SLCO1B1: variants seen among roughly 807,000 people sequenced by gnomAD.
The protein encoded by SLCO1B1 is OATP-2.
SLCO1B1 carries 81 observed loss-of-function variants against 70.1 expected under a neutral mutation model. The observed-to-expected ratio is 1.16, with a 90% CI of 0.97 to 1.39. The LOEUF is 1.39. Ranked by LOEUF, SLCO1B1 falls within the 40% of genes most tolerant of loss-of-function variation. The pLI, the probability that SLCO1B1 is intolerant of heterozygous loss-of-function variation, is 0.00. For missense variants in SLCO1B1, 895 were observed against 799.6 expected (o/e 1.12, Z -1.44); for synonymous variants, 283 against 271.5 (o/e 1.04, Z -0.42).
At chr12:21,195,771 C>A (rs145702299) in intron 7 of SLCO1B1, among the ~76,000 whole-genome samples, 256 of 152,262 alleles carry the variant, frequency 1.7e-3, no homozygotes, top group African/African-American at 5.9e-3. Flanking sequence ...GTTCAAGCTG[C>A]CTTCTTTATT....
At position 21,222,348 on chromosome 12, in the gene SLCO1B1, G is replaced by A. The variant is rs1941431558; in HGVS notation, c.1731G>A (p.Met577Ile). ...CACTTGCACTGGGTTTCCACTCAAT[G>A]GTTATACGAGCACTAGGTATGATGA... ...LKSLALGFHSMVIRALGGILA... is the reference protein window; with the variant it reads ...LKSLALGFHSIVIRALGGILA... The change falls in exon 13 of 15, where the codon ATG becomes ATA. Residue 577 changes from methionine (M) to isoleucine (I), a missense_variant. Physicochemically the swap from Met to Ile is conservative, Grantham distance 10. Coordinates refer to ENST00000256958, the MANE Select transcript of SLCO1B1 (RefSeq NM_006446.5). 1.5e-6 allele frequency: 1 copy of A among 666,620 alleles called. No individual in the cohort carries two copies. The highest frequency in any genetic ancestry group is 2.1e-6 in the Non-Finnish European group (1 of 468,632). The allele number at this position is 666,620 out of a possible 1,614,324, so 41.3% of individuals were successfully genotyped here.
At chr12:21,145,108 C>T (rs1209829203) in intron 2 of SLCO1B1, among the ~76,000 whole-genome samples, 1 of 152,132 alleles carries the variant, frequency 6.6e-6, no homozygotes. Context: ...ACTTAAAAGG[C>T]ATAGAATAGC....
rs376829525 is a variant in SLCO1B1 at position 21,141,629 on chromosome 12, A to T, written c.55A>T (p.Lys19Ter). ...KTAEAQPSEN[K>*]KTRYCNGLKM... ...AGCAGAGGCACAACCTTCAGAGAAT[A>T]AGAAAACAAGATACTGCAATGGATT... The change falls in exon 2 of 15, where the codon AAG becomes TAG. Residue 19 changes from lysine (K) to a stop codon, truncating the protein, a stop_gained. Coordinates refer to ENST00000256958, the MANE Select transcript of SLCO1B1 (RefSeq NM_006446.5). LOFTEE classifies it high-confidence loss of function. 17 of 1,608,146 alleles carry T rather than the reference A, an allele frequency of 1.1e-5. No homozygotes were observed. In the African/African-American group the frequency reaches 2.0e-4, roughly 19 times the overall value.
chr12:21,148,360 T>C (rs1271697226), intron 2 of SLCO1B1, among the ~76,000 whole-genome samples: 3 of 152,214 alleles, frequency 2.0e-5, no homozygotes, highest in Non-Finnish European at 4.4e-5. Context: ...TTTAAGTCTT[T>C]AATCCATCTT....
intron 5 of SLCO1B1, 40 bp downstream of exon 5, chr12:21,176,937 T>C (rs757853994): frequency 7.0e-7 from 1 of 1,426,066 alleles, no homozygotes; most frequent in Middle Eastern, 1.8e-4. Context: ...TTCTAAAATG[T>C]ATACATTTAA....
chr12:21,147,523 A>G (rs1157886761), intron 2 of SLCO1B1, among the ~76,000 whole-genome samples: 3 of 152,292 alleles, frequency 2.0e-5, no homozygotes, highest in African/African-American at 4.8e-5. Flanking sequence ...ATGAGTGGGA[A>G]CATGCAGTGT....
At chr12:21,200,145 G>A (rs1941139594) in intron 8 of SLCO1B1, among the ~76,000 whole-genome samples, 1 of 152,088 alleles carries the variant, frequency 6.6e-6, no homozygotes, top group South Asian at 2.1e-4. Flanking sequence ...CTGGTACCCA[G>A]TTGAAAACCT....
At position 21,157,880 on chromosome 12, in the gene SLCO1B1, G is replaced by A. The variant is rs530190682; in HGVS notation, c.85-14770G>A. ...CTCCCACAGTGCTGGGATTACAGGC[G>A]TGAGCCACCGTGCCCGGCCAAGACT... On this transcript the variant is annotated intron_variant, in intron 2 of 14. Coordinates refer to ENST00000256958, the MANE Select transcript of SLCO1B1 (RefSeq NM_006446.5). Among the ~76,000 whole-genome samples the A allele has an allele frequency of 6.6e-5, 10 of 152,200 alleles. No homozygotes were observed. In the South Asian group the frequency reaches 8.3e-4, roughly 13 times the overall value.
intron 2 of SLCO1B1, among the ~76,000 whole-genome samples, chr12:21,152,064 C>G (rs1231661750): frequency 6.6e-6 from 1 of 151,624 alleles, no homozygotes; most frequent in Non-Finnish European, 1.5e-5. Context: ...ATACTTTGTT[C>G]TGATTTTTTT....
rs139156334 is a variant in SLCO1B1 at position 21,168,676 on chromosome 12, G to A, written c.85-3974G>A. Among the ~76,000 whole-genome samples the A allele has an allele frequency of 1.3e-4, 20 of 152,192 alleles. 2 individuals carry two copies. Among genetic ancestry groups the A allele is most frequent in the African/African-American group, 4.6e-4 (19 of 41,556 alleles). ...CTTTTAATGTGCTTATTGGCTCTTT[G>A]TATATCTTCTTTGCAGAAATGTCTA... On this transcript the variant is annotated intron_variant, in intron 2 of 14. Coordinates refer to ENST00000256958, the MANE Select transcript of SLCO1B1 (RefSeq NM_006446.5).
chr12:21,195,683 T>G (rs1941083477), intron 7 of SLCO1B1, among the ~76,000 whole-genome samples: 1 of 152,118 alleles, frequency 6.6e-6, no homozygotes, highest in African/African-American at 2.4e-5. Flanking sequence ...GGAGTTAAGT[T>G]TTTGTTTCTA....
chr12:21,205,802 C>T, intron 10 of SLCO1B1, 66 bp from the exon 11 acceptor site: 1 of 1,187,392 alleles, frequency 8.4e-7, no homozygotes, highest in Non-Finnish European at 1.2e-6. Context: ...TCTTCCTTCT[C>T]CTCCCCTTCT....
chr12:21,173,407 AT>A lies in SLCO1B1; in HGVS notation c.226+623del, dbSNP rs1007344811. 2.5e-4 allele frequency among the ~76,000 whole-genome samples: 38 copies of A among 151,624 alleles called. 1 individual carries two copies. Among genetic ancestry groups the A allele is most frequent in the Middle Eastern group, 3.4e-3 (1 of 294 alleles). The stretch of plus-strand genomic sequence containing the variant: ...ATTTTCTGGGAATTTTTCTCTTTAA[AT>A]TTTTTTCTTCTAAATTTCCATTGTT... On this transcript the variant is annotated intron_variant, in intron 3 of 14. Transcript: ENST00000256958.
At chr12:21,142,422 AG>A (rs1276513702) in intron 2 of SLCO1B1, among the ~76,000 whole-genome samples, 4 of 151,992 alleles carry the variant, frequency 2.6e-5, no homozygotes, top group African/African-American at 9.7e-5. Flanking sequence ...CCCAAGACAA[AG>A]CCTTTAAATC....
At chr12:21,172,455 C>T (rs1257261311) in intron 2 of SLCO1B1, among the ~76,000 whole-genome samples, 195 bp from the exon 3 acceptor site, 1 of 152,186 alleles carries the variant, frequency 6.6e-6, no homozygotes, top group Admixed American at 6.5e-5. Flanking sequence ...AGAAATGATG[C>T]TTTATCAGTG....
Position 21,217,138 on chromosome 12 carries a change from G to GT in SLCO1B1, c.1520dup (p.Leu507PhefsTer17), listed in dbSNP as rs748425668. 1.7e-5 allele frequency: 28 copies of GT among 1,613,286 alleles called. No homozygotes were observed. The highest frequency in any genetic ancestry group is 2.0e-5 in the Non-Finnish European group (24 of 1,179,680). On this transcript the variant is annotated frameshift_variant, in exon 12 of 15. Coordinates refer to ENST00000256958, the MANE Select transcript of SLCO1B1 (RefSeq NM_006446.5). LOFTEE classifies it high-confidence loss of function. ...CTTAAGGTGTTTTACAACTGCAGTTGTTTGGAAGTAACTGGTCTCCAGAAC... is the reference window on the plus strand; with the variant it reads ...CTTAAGGTGTTTTACAACTGCAGTTGTTTTGGAAGTAACTGGTCTCCAGAAC...
intron 2 of SLCO1B1, among the ~76,000 whole-genome samples, chr12:21,147,892 A>C (rs1289369092): frequency 2.6e-5 from 4 of 152,146 alleles, no homozygotes; most frequent in Non-Finnish European, 5.9e-5. Flanking sequence ...TGACTTTTTA[A>C]TGATCGCTTC....
intron 1 of SLCO1B1, among the ~76,000 whole-genome samples, chr12:21,137,966 G>A (rs559770525): frequency 1.8e-3 from 267 of 152,230 alleles, no homozygotes; most frequent in African/African-American, 6.0e-3. Flanking sequence ...GTTCCTATTT[G>A]GCCATCTTGG....
At chr12:21,148,126 A>G (rs902249017) in intron 2 of SLCO1B1, among the ~76,000 whole-genome samples, 2 of 152,182 alleles carry the variant, frequency 1.3e-5, no homozygotes, top group African/African-American at 4.8e-5. Flanking sequence ...TCAGATGGAT[A>G]GATTGTAAAA....
Sources: gnomAD v4.1 joint callset for allele counts (sites outside exome capture counted in the v4.1 genomes callset) on GRCh38, gnomAD v4.1.1 for gene constraint, MANE v1.5 for transcripts, NCBI Gene and HGNC (gene_info 2026-07-23, HGNC 2026-07-21) for gene names.